C5orf47: variants seen among roughly 807,000 people sequenced by gnomAD.
C5orf47 encodes chromosome 5 open reading frame 47, also known as uncharacterized protein C5orf47.
C5orf47 carries 20 observed loss-of-function variants against 20.6 expected under a neutral mutation model. The observed-to-expected ratio is 0.97, with a 90% CI of 0.68 to 1.41. The LOEUF is 1.41. Ranked by LOEUF, C5orf47 falls within the 40% of genes most tolerant of loss-of-function variation. The pLI is 0.00. For missense variants in C5orf47, 262 were observed against 238.4 expected (o/e 1.10, Z -0.65); for synonymous variants, 106 against 97.3 (o/e 1.09, Z -0.53).
chr5:173,996,036 G>A lies in C5orf47; in HGVS notation c.326-2117G>A, dbSNP rs546290811. 5.3e-4 allele frequency among the ~76,000 whole-genome samples: 80 copies of A among 152,358 alleles called. 1 individual carries two copies. The highest frequency in any genetic ancestry group is 1.9e-3 in the African/African-American group (79 of 41,590). ...TGATTTGTATGTAATGGAAGATGATGAATGCTATTGTGGAAGTACAAATGA... is the reference window on the plus strand; with the variant it reads ...TGATTTGTATGTAATGGAAGATGATAAATGCTATTGTGGAAGTACAAATGA... On this transcript the variant is annotated intron_variant, in intron 1 of 4. Transcript: ENST00000340147.
At chr5:173,998,295 A>C in intron 2 of C5orf47, 57 bp downstream of exon 2, 2 of 886,720 alleles carry the variant, frequency 2.3e-6, no homozygotes, top group Non-Finnish European at 3.5e-6. Flanking sequence ...TCCTCTCTAA[A>C]TACAAATGTG....
downstream of C5orf47, among the ~76,000 whole-genome samples, chr5:174,008,545 C>T (rs1759326319): frequency 6.6e-6 from 1 of 152,100 alleles, no homozygotes; most frequent in South Asian, 2.1e-4. Context: ...TGAAAAACAA[C>T]TTCTGGGCCA....
chr5:174,009,159 C>T (rs759278490), downstream of C5orf47, among the ~76,000 whole-genome samples: 15 of 151,918 alleles, frequency 9.9e-5, no homozygotes, highest in African/African-American at 1.5e-4. Context: ...TGCCGTGAGC[C>T]GAGATTGCAC....
chr5:173,993,755 A>G (rs76262518), intron 1 of C5orf47, among the ~76,000 whole-genome samples: 1 of 152,362 alleles, frequency 6.6e-6, no homozygotes, highest in East Asian at 1.9e-4. Context: ...GTTGAAAAAT[A>G]TATAAATATT....
downstream of C5orf47, among the ~76,000 whole-genome samples, chr5:174,008,493 G>A (rs1173213436): frequency 9.2e-5 from 14 of 152,174 alleles, no homozygotes; most frequent in Admixed American, 9.2e-4. Context: ...TGGGATTATG[G>A]ATCAGGGTCA....
downstream of C5orf47, among the ~76,000 whole-genome samples, chr5:174,007,859 CCT>C (rs1759316382): frequency 6.6e-6 from 1 of 152,064 alleles, no homozygotes; most frequent in African/African-American, 2.4e-5. Context: ...CACGCCCAGT[CCT>C]CTCCTACCTT....
At chr5:173,989,726 AG>A in intron 1 of C5orf47, 138 bp downstream of exon 1, 1 of 762,652 alleles carries the variant, frequency 1.3e-6, no homozygotes, top group Non-Finnish European at 1.9e-6. Context: ...GAGCACGCGC[AG>A]GGGCGAAGGA....
downstream of C5orf47, among the ~76,000 whole-genome samples, chr5:174,007,504 G>A (rs1307480775): frequency 1.2e-4 from 19 of 152,096 alleles, no homozygotes; most frequent in Non-Finnish European, 1.6e-4. Flanking sequence ...GTATTCACAT[G>A]GGGCAGACAG....
At position 173,998,241 on chromosome 5, in the gene C5orf47, A is replaced by G; in HGVS notation, c.411+3A>G. On this transcript the variant is annotated splice_donor_region_variant and intron_variant, in intron 2 of 4. Transcript: ENST00000340147. ...AAATAATGAAGAAAAAGAAAAAGGT[A>G]TATTGCTGTAAAGGAGAATGAGCAA... The G allele has an allele frequency of 2.7e-6, 4 of 1,456,490 alleles. No homozygotes were observed. Among genetic ancestry groups the G allele is most frequent in the East Asian group, 2.5e-5 (1 of 40,446 alleles). The allele number at this position is 1,456,490 out of a possible 1,614,324, so 90.2% of individuals were successfully genotyped here. A position where few individuals can be genotyped will look rare whatever the true frequency, so the allele number is the denominator to read the frequency against.
downstream of C5orf47, among the ~76,000 whole-genome samples, chr5:174,008,168 A>G (rs1003631539): frequency 3.3e-5 from 5 of 152,212 alleles, no homozygotes. Context: ...TCCAGAGTGA[A>G]AATCACTGCT....
rs1188112413 is a variant in C5orf47, at chr5:174,005,420, A to G, written c.*1166A>G. On this transcript the variant is annotated 3_prime_UTR_variant, in exon 5 of 5. Transcript: ENST00000340147. ...AGTTGTAACTTAATTACTTCAGGAG[A>G]CTACGACAGTGTAGAATTTGTGGTA... 6.6e-6 allele frequency: 1 copy of G among 152,260 alleles called. No homozygotes were observed. Among genetic ancestry groups the G allele is most frequent in the Non-Finnish European group, 1.5e-5 (1 of 68,002 alleles). 9.4% of individuals were successfully genotyped at this position (152,260 alleles called of 1,614,324 possible).
At chr5:173,990,737 CCT>C (rs1303093440) in intron 1 of C5orf47, among the ~76,000 whole-genome samples, 1 of 152,140 alleles carries the variant, frequency 6.6e-6, no homozygotes, top group Admixed American at 6.5e-5. Context: ...CGCGCCAGGC[CCT>C]CTCTTGGTTT....
rs539068478 is a variant in C5orf47, at chr5:173,989,425, G to A, written c.162G>A (p.Pro54=). 1,764 of 1,549,442 alleles carry A rather than the reference G, an allele frequency of 1.1e-3. 35 individuals are homozygous for A. In the South Asian group the frequency reaches 0.02, roughly 17 times the overall value. ...GPGAGCRQEK[P]REAMAVAGVQ... is the part of the protein sequence containing the mutation. ...GGGCAGGCTGTCGCCAGGAGAAGCC[G>A]AGGGAAGCAATGGCGGTGGCGGGCG... Residue 54 remains proline, a synonymous_variant, in exon 1 of 5, where the codon CCG becomes CCA. Coordinates refer to ENST00000340147, the MANE Select transcript of C5orf47 (RefSeq NM_001144954.2).
intron 2 of C5orf47, among the ~76,000 whole-genome samples, chr5:173,999,429 A>G (rs926084330): frequency 6.6e-6 from 1 of 152,212 alleles, no homozygotes; most frequent in Non-Finnish European, 1.5e-5. Flanking sequence ...AGGACTTTAT[A>G]GTCATTGCCT....
rs1297677668 is a variant in C5orf47 at position 173,989,529 on chromosome 5, C to T, written c.266C>T (p.Ala89Val). Residue 89 changes from alanine to valine, a missense_variant, in exon 1 of 5, where the codon GCC (alanine) becomes GTC (valine). Coordinates refer to ENST00000340147, the MANE Select transcript of C5orf47 (RefSeq NM_001144954.2). The part of the protein sequence containing the change: ...TTPGVEAAAS[A>V]SSQLRASRVQ... The stretch of plus-strand genomic sequence containing the variant: ...CCTGGTGTGGAGGCTGCGGCCTCTG[C>T]CTCCTCCCAGCTGCGGGCATCGAGA... 7.8e-6 allele frequency: 12 copies of T among 1,529,028 alleles called. No individual in the cohort carries two copies. Among genetic ancestry groups the T allele is most frequent in the South Asian group, 7.3e-5 (6 of 81,824 alleles). 94.7% of individuals were successfully genotyped at this position (1,529,028 alleles called of 1,614,324 possible).
At chr5:173,999,090 A>T (rs1302693109) in intron 2 of C5orf47, among the ~76,000 whole-genome samples, 1 of 152,062 alleles carries the variant, frequency 6.6e-6, no homozygotes, top group Non-Finnish European at 1.5e-5. Context: ...TGTATTAAAT[A>T]TTTTTTCCTT....
At chr5:174,003,775 G>A (rs1759239320) in intron 4 of C5orf47, among the ~76,000 whole-genome samples, 1 of 152,176 alleles carries the variant, frequency 6.6e-6, no homozygotes, top group African/African-American at 2.4e-5. Flanking sequence ...AGGGAGACAT[G>A]AAATTCGCAG....
At chr5:174,007,581 G>A (rs1460088265), downstream of C5orf47, among the ~76,000 whole-genome samples, 3 of 143,650 alleles carry the variant, frequency 2.1e-5, no homozygotes, top group Admixed American at 6.9e-5. Context: ...TTTTTGAGAC[G>A]GAGTCTCGCT....
intron 2 of C5orf47, among the ~76,000 whole-genome samples, chr5:173,998,964 G>C (rs1759147894): frequency 6.6e-6 from 1 of 152,160 alleles, no homozygotes; most frequent in Non-Finnish European, 1.5e-5. Flanking sequence ...TTTTCCCACT[G>C]TACTAAGAGA....
Sources: allele counts gnomAD v4.1 joint callset (sites outside exome capture counted in the v4.1 genomes callset), GRCh38; gene constraint gnomAD v4.1.1; transcripts MANE v1.5; gene names NCBI Gene and HGNC (gene_info 2026-07-23, HGNC 2026-07-21).